The following PRELID2 variants were observed in gnomAD, a reference collection of about 807,000 sequenced individuals.
PRELID2 encodes PRELI domain containing 2.
In PRELID2, 25 loss-of-function variants were observed where a neutral mutation model predicts 28.4. That is an observed-to-expected ratio of 0.88 (90% CI 0.64 to 1.23). PRELID2 has a LOEUF of 1.23. Ranked by LOEUF, PRELID2 falls within the 50% of genes most tolerant of loss-of-function variation. The probability of loss-of-function intolerance (pLI) is 0.00; values close to 1 mark genes in which losing one functional copy is unlikely to be tolerated. For synonymous variants in PRELID2, 76 were observed against 71.6 expected (o/e 1.06, Z -0.31); for missense variants, 201 against 214.4 (o/e 0.94, Z 0.39).
chr5:145,811,825 T>C (rs1477927120), intron 4 of PRELID2, among the ~76,000 whole-genome samples: 2 of 152,172 alleles, frequency 1.3e-5, no homozygotes, highest in Non-Finnish European at 2.9e-5. Context: ...TACAGAAATA[T>C]CCCTGTAATC....
At chr5:145,471,947 G>C (rs2126606187) in exon 3 of PRELID2, 1 of 152,132 alleles carries the variant, frequency 6.6e-6, no homozygotes, top group South Asian at 2.1e-4. Context: ...GAGCTGATGT[G>C]GAATCAAAGG....
At chr5:145,461,179 T>C in the PRELID2 span, among the ~76,000 whole-genome samples, 1,512 of 152,354 alleles carry the variant, frequency 9.9e-3, 12 homozygotes, top group African/African-American at 0.021. Context: ...CCCTTTCTTT[T>C]ATTCCATTTT....
chr5:145,753,148 G>T (rs1561574157), downstream of PRELID2, among the ~76,000 whole-genome samples: 1 of 152,198 alleles, frequency 6.6e-6, no homozygotes, highest in Non-Finnish European at 1.5e-5. Flanking sequence ...ACAGATGGCA[G>T]GCACGAAATG....
At chr5:145,755,077 A>G (rs534928421), downstream of PRELID2, among the ~76,000 whole-genome samples, 13 of 152,328 alleles carry the variant, frequency 8.5e-5, no homozygotes, top group South Asian at 2.7e-3. Flanking sequence ...TCTTCAAAGA[A>G]TTGTACAAGG....
intron 5 of PRELID2, among the ~76,000 whole-genome samples, chr5:145,783,146 G>A (rs971797816): frequency 1.3e-5 from 2 of 152,176 alleles, no homozygotes; most frequent in Non-Finnish European, 1.5e-5. Context: ...CTTGACTTCC[G>A]AGATTTCATC....
chr5:145,618,100 G>T (rs1753726784), intron 1 of PRELID2, among the ~76,000 whole-genome samples: 1 of 151,574 alleles, frequency 6.6e-6, no homozygotes, highest in South Asian at 2.1e-4. Context: ...ATTGTTTTTT[G>T]GATATCCTTG....
chr5:145,567,375 G>GGTTTT (rs1429728659), intron 1 of PRELID2, among the ~76,000 whole-genome samples: 2 of 151,912 alleles, frequency 1.3e-5, no homozygotes, highest in African/African-American at 4.8e-5. Flanking sequence ...GGTTTGGTTT[G>GGTTTT]GTTTGGTTTG....
At chr5:145,654,677 G>T (rs951253455) in intron 1 of PRELID2, among the ~76,000 whole-genome samples, 1 of 152,024 alleles carries the variant, frequency 6.6e-6, no homozygotes, top group Non-Finnish European at 1.5e-5. Context: ...ATGCAGAAAA[G>T]GCCTTTGACA....
At chr5:145,567,860 A>G (rs1250291137) in intron 1 of PRELID2, among the ~76,000 whole-genome samples, 1 of 152,154 alleles carries the variant, frequency 6.6e-6, no homozygotes, top group Non-Finnish European at 1.5e-5. Context: ...GTGTAATCTC[A>G]GGTATTTCTT....
the PRELID2 span, among the ~76,000 whole-genome samples, chr5:145,282,033 A>C: frequency 3.3e-5 from 5 of 152,192 alleles, no homozygotes; most frequent in Non-Finnish European, 2.9e-5. Context: ...AATAGCTGTT[A>C]TCCTCAGGAA....
intron 1 of PRELID2, among the ~76,000 whole-genome samples, chr5:145,655,743 A>G (rs1754381998): frequency 6.6e-6 from 1 of 152,224 alleles, no homozygotes; most frequent in Non-Finnish European, 1.5e-5. Flanking sequence ...TTATACAAAA[A>G]TTAATTCAAG....
chr5:145,360,699 T>A, the PRELID2 span, among the ~76,000 whole-genome samples: 1 of 152,210 alleles, frequency 6.6e-6, no homozygotes, highest in Non-Finnish European at 1.5e-5. Flanking sequence ...ATTTCCTTTT[T>A]GACTTGGATT....
chr5:145,438,178 A>T, the PRELID2 span, among the ~76,000 whole-genome samples: 1 of 152,178 alleles, frequency 6.6e-6, no homozygotes, highest in Admixed American at 6.5e-5. Context: ...ACAATGATAG[A>T]TACAAACTCA....
chr5:145,659,806 G>A (rs925483032), intron 1 of PRELID2, among the ~76,000 whole-genome samples: 5 of 152,170 alleles, frequency 3.3e-5, no homozygotes, highest in African/African-American at 9.7e-5. Flanking sequence ...TATGAATAGT[G>A]TAATACAACT....
intron 1 of PRELID2, among the ~76,000 whole-genome samples, chr5:145,573,273 A>T (rs1414879093): frequency 6.6e-6 from 1 of 152,092 alleles, no homozygotes; most frequent in Non-Finnish European, 1.5e-5. Flanking sequence ...TTCAGACAGA[A>T]TATAATAACT....
intron 1 of PRELID2, among the ~76,000 whole-genome samples, chr5:145,741,176 T>C (rs1219689209): frequency 1.8e-5 from 2 of 111,452 alleles, no homozygotes; most frequent in African/African-American, 7.3e-5. Context: ...ATATATTTTA[T>C]TTATATATAA....
intron 5 of PRELID2, among the ~76,000 whole-genome samples, chr5:145,785,373 C>T (rs983858141): frequency 1.3e-5 from 2 of 152,186 alleles, no homozygotes; most frequent in Non-Finnish European, 2.9e-5. Flanking sequence ...TCTAAAGGCA[C>T]AGCATACTAT....
At chr5:145,784,215 C>T (rs1382503562) in intron 5 of PRELID2, among the ~76,000 whole-genome samples, 1 of 140,556 alleles carries the variant, frequency 7.1e-6, no homozygotes, top group Non-Finnish European at 1.5e-5. Flanking sequence ...ATCTGAAAGG[C>T]AGAGGTTGTG....
At chr5:145,781,183 C>T (rs1392096418) in intron 5 of PRELID2, among the ~76,000 whole-genome samples, 3 of 152,096 alleles carry the variant, frequency 2.0e-5, no homozygotes, top group Non-Finnish European at 4.4e-5. Context: ...GATGAGAAAT[C>T]ACAATAGACA....
Sources: allele counts gnomAD v4.1 joint callset (sites outside exome capture counted in the v4.1 genomes callset), GRCh38; gene constraint gnomAD v4.1.1; transcripts MANE v1.5; gene names NCBI Gene and HGNC (gene_info 2026-07-23, HGNC 2026-07-21).